The following SPAG16 variants were observed in gnomAD, a reference collection of about 807,000 sequenced individuals.
The protein encoded by SPAG16 is sperm associated antigen 16, also known as sperm-associated antigen 16 protein.
A neutral mutation model predicts 80.4 loss-of-function variants in SPAG16; 86 were observed. The observed-to-expected ratio is 1.07, with a 90% CI of 0.90 to 1.28. The LOEUF (loss-of-function observed/expected upper bound fraction) is 1.28, where lower values mean the gene tolerates loss of function less well. Among genes scored for constraint, SPAG16 ranks in the 50% most tolerant of loss-of-function variants. The pLI is 0.00. For missense variants in SPAG16, 870 were observed against 765.3 expected (o/e 1.14, Z -1.61); for synonymous variants, 294 against 265.9 (o/e 1.11, Z -1.03).
At chr2:214,071,404 T>C (rs2050781854) in intron 13 of SPAG16, among the ~76,000 whole-genome samples, 2 of 152,110 alleles carry the variant, frequency 1.3e-5, no homozygotes, top group South Asian at 4.1e-4. Flanking sequence ...CATTAAAAGC[T>C]ATAAATAATA....
chr2:213,980,725 TAGAGAGAGAG>T (rs1553686631), intron 12 of SPAG16, among the ~76,000 whole-genome samples: 17 of 104,026 alleles, frequency 1.6e-4, no homozygotes, highest in African/African-American at 8.0e-4. Flanking sequence ...TATATATATA[TAGAGAGAGAG>T]AGAGAGAGAG....
At chr2:213,732,439 A>G (rs906473907) in intron 10 of SPAG16, among the ~76,000 whole-genome samples, 11 of 152,150 alleles carry the variant, frequency 7.2e-5, no homozygotes, top group Non-Finnish European at 1.5e-4. Flanking sequence ...CTATTACCCT[A>G]GATTACTGTA....
intron 10 of SPAG16, among the ~76,000 whole-genome samples, chr2:213,536,017 A>G (rs2076232717): frequency 6.6e-6 from 1 of 152,114 alleles, no homozygotes; most frequent in African/African-American, 2.4e-5. Context: ...TATTTTATCT[A>G]TTCTTTCATC....
chr2:213,720,075 C>T (rs769928230), intron 10 of SPAG16, among the ~76,000 whole-genome samples: 7 of 152,104 alleles, frequency 4.6e-5, no homozygotes, highest in Non-Finnish European at 7.4e-5. Context: ...TCTCAGTAAA[C>T]TAACACAGGA....
intron 9 of SPAG16, among the ~76,000 whole-genome samples, chr2:213,432,641 G>C (rs181715091): frequency 6.6e-6 from 1 of 152,112 alleles, no homozygotes; most frequent in East Asian, 1.9e-4. Flanking sequence ...AAGATAGTTT[G>C]AAATTCTGGT....
chr2:213,567,469 G>T (rs1306085320), intron 10 of SPAG16, among the ~76,000 whole-genome samples: 2 of 115,722 alleles, frequency 1.7e-5, no homozygotes, highest in African/African-American at 7.7e-5. Flanking sequence ...ACCTATGAGT[G>T]AGAATATGCG....
intron 15 of SPAG16, among the ~76,000 whole-genome samples, chr2:214,156,101 C>T (rs1319734418): frequency 6.6e-6 from 1 of 152,148 alleles, no homozygotes; most frequent in African/African-American, 2.4e-5. Context: ...TGATAGTTGA[C>T]TCAAAGCTAA....
At chr2:213,292,714 T>G (rs146847631) in intron 1 of SPAG16, among the ~76,000 whole-genome samples, 25 of 148,944 alleles carry the variant, frequency 1.7e-4, no homozygotes, top group Non-Finnish European at 3.4e-4. Context: ...CAGAAAGATA[T>G]AAATCTATAA....
At chr2:213,675,424 C>T (rs1240943547) in intron 10 of SPAG16, among the ~76,000 whole-genome samples, 2 of 152,068 alleles carry the variant, frequency 1.3e-5, no homozygotes, top group Non-Finnish European at 2.9e-5. Context: ...CTTTTGTTGC[C>T]GTTGCTTTTG....
chr2:213,296,959 GTGATATTTAGA>G (rs1162348498), intron 2 of SPAG16: 2 of 795,158 alleles, frequency 2.5e-6, no homozygotes, highest in African/African-American at 3.7e-5. Context: ...GGCAAGAATG[GTGATATTTAGA>G]TAGCCTTATT....
rs1238967118 is a variant in SPAG16 at position 213,322,351 on chromosome 2, AAAAAAC to A, written c.536+5001_536+5006del. On this transcript the variant is annotated intron_variant, in intron 5 of 15. Transcript: ENST00000331683. The stretch of plus-strand genomic sequence containing the variant: ...AGACAATGCAAAAAAAAAAAAAAAA[AAAAAAC>A]AAAAAACTCGTTTGGGTGATTGATT... Among the ~76,000 whole-genome samples, 5 of 111,244 alleles carry A rather than the reference AAAAAAC, an allele frequency of 4.5e-5. 1 individual carries two copies. The highest frequency in any genetic ancestry group is 1.6e-4 in the African/African-American group (5 of 30,650). The allele number at this position is 111,244 out of a possible 152,430, so 73.0% of individuals were successfully genotyped here.
chr2:213,420,314 G>A (rs1172532400), intron 9 of SPAG16, among the ~76,000 whole-genome samples: 2 of 152,246 alleles, frequency 1.3e-5, no homozygotes, highest in East Asian at 1.9e-4. Context: ...GACACTGTCA[G>A]TGTATCCCTA....
intron 14 of SPAG16, among the ~76,000 whole-genome samples, chr2:214,120,551 A>G (rs554439906): frequency 6.6e-6 from 1 of 151,970 alleles, no homozygotes; most frequent in East Asian, 1.9e-4. Context: ...CAACTATTCC[A>G]ATATGAATTC....
intron 10 of SPAG16, among the ~76,000 whole-genome samples, chr2:213,567,321 C>T (rs1175850527): frequency 5.3e-5 from 7 of 131,772 alleles, no homozygotes; most frequent in Non-Finnish European, 9.5e-5. Flanking sequence ...CATGCTGGTG[C>T]GCTGCACCCA....
chr2:214,133,817 G>T (rs2054907670), intron 14 of SPAG16, among the ~76,000 whole-genome samples: 1 of 152,172 alleles, frequency 6.6e-6, no homozygotes, highest in Admixed American at 6.6e-5. Context: ...AAAGGAAAGA[G>T]ATGGAGAATG....
chr2:213,285,407 G>T (rs2062016982), intron 1 of SPAG16, among the ~76,000 whole-genome samples: 1 of 152,126 alleles, frequency 6.6e-6, no homozygotes, highest in African/African-American at 2.4e-5. Flanking sequence ...CTAGGGAGAC[G>T]GGGAGGGTTC....
chr2:213,593,449 ACTTGCCTTATAAGTTAAAAGT>A (rs1270673667), intron 10 of SPAG16, among the ~76,000 whole-genome samples: 1 of 152,036 alleles, frequency 6.6e-6, no homozygotes, highest in Non-Finnish European at 1.5e-5. Flanking sequence ...TCTTAATATT[ACTTGCCTTATAAGTTAAAAGT>A]ATACCTTTTT....
At position 213,579,920 on chromosome 2, in the gene SPAG16, A is replaced by G. The variant is rs149049359; in HGVS notation, c.1070+89830A>G. Among the ~76,000 whole-genome samples the G allele has an allele frequency of 2.3e-3, 351 of 152,296 alleles. 2 individuals carry two copies. The highest frequency in any genetic ancestry group is 7.8e-3 in the African/African-American group (325 of 41,580). ...GTTGTGCTGCTGATAGTGATTATAC[A>G]TAAATAAATATCAGGAGATTAACAT... On this transcript the variant is annotated intron_variant, in intron 10 of 15. Transcript: ENST00000331683.
At chr2:213,926,190 C>T (rs1195845941) in intron 11 of SPAG16, among the ~76,000 whole-genome samples, 1 of 152,152 alleles carries the variant, frequency 6.6e-6, no homozygotes, top group Non-Finnish European at 1.5e-5. Context: ...TTCAGTTCCT[C>T]ATCTGTCTAT....
Sources: allele counts gnomAD v4.1 joint callset (sites outside exome capture counted in the v4.1 genomes callset), GRCh38; gene constraint gnomAD v4.1.1; transcripts MANE v1.5; gene names NCBI Gene and HGNC (gene_info 2026-07-23, HGNC 2026-07-21).